The following GPRIN3 variants were observed in gnomAD, a reference collection of about 807,000 sequenced individuals.
GPRIN3 encodes GPRIN family member 3, also known as G protein-regulated inducer of neurite outgrowth 3.
Under a neutral mutation model 13.7 loss-of-function variants are expected in GPRIN3, and 12 were observed. The observed-to-expected ratio is 0.87, with a 90% CI of 0.56 to 1.42. GPRIN3 has a LOEUF of 1.42. GPRIN3 is among the 40% of genes most tolerant of loss of function. The pLI is 0.00. For missense variants in GPRIN3, 1,009 were observed against 958.7 expected, an observed-to-expected ratio of 1.05 and a Z score of -0.69; for synonymous variants, 377 against 372.7, an observed-to-expected ratio of 1.01 and a Z score of -0.13.
In GPRIN3 at chr4:89,249,580, G is replaced by A; in HGVS notation, c.531C>T (p.Val177=). 6.2e-7 allele frequency: 1 copy of A among 1,614,154 alleles called. No homozygotes were observed. The highest frequency in any genetic ancestry group is 1.6e-4 in the Middle Eastern group (1 of 6,062). ...ACACCTGATCTTTGCTGCTACTGAG[G>A]ACGCCTCCCACAGGACAACTTGGTT... ...PEKPSCPVGG[V]LSSSKDQVSC... is the part of the protein sequence containing the mutation. The change falls in exon 2 of 2, where the codon GTC becomes GTT. Residue 177 remains valine, a synonymous_variant. Transcript: ENST00000609438.
At chr4:89,272,995 A>T (rs1724000981) in intron 1 of GPRIN3, among the ~76,000 whole-genome samples, 1 of 152,190 alleles carries the variant, frequency 6.6e-6, no homozygotes, top group African/African-American at 2.4e-5. Flanking sequence ...GTTGAAAATG[A>T]GAAAGAAGGA....
At chr4:89,285,406 A>G (rs1007173644) in intron 1 of GPRIN3, among the ~76,000 whole-genome samples, 1 of 152,168 alleles carries the variant, frequency 6.6e-6, no homozygotes, top group Admixed American at 6.5e-5. Context: ...GATTTGAGTA[A>G]TAACTTTGTC....
In GPRIN3 at chr4:89,244,226, T is replaced by C. The variant is rs1306451222; in HGVS notation, c.*3554A>G. The C allele has an allele frequency of 6.6e-6, 1 of 152,202 alleles. No individual in the cohort carries two copies. The highest frequency in any genetic ancestry group is 1.5e-5 in the Non-Finnish European group (1 of 68,006). The allele number at this position is 152,202 out of a possible 1,614,324, so 9.4% of individuals were successfully genotyped here. A position where few individuals can be genotyped will look rare whatever the true frequency, so the allele number is the denominator to read the frequency against. On this transcript the variant is annotated 3_prime_UTR_variant, in exon 2 of 2. Transcript: ENST00000609438. ...TTTCTACTTTAAGACAGCAAGCTCCTATTATGAATTTGGTTCTGAAATCCA... is the reference window on the plus strand; with the variant it reads ...TTTCTACTTTAAGACAGCAAGCTCCCATTATGAATTTGGTTCTGAAATCCA...
chr4:89,297,124 A>G (rs1724759911), intron 1 of GPRIN3, among the ~76,000 whole-genome samples: 2 of 152,192 alleles, frequency 1.3e-5, no homozygotes, highest in Non-Finnish European at 2.9e-5. Flanking sequence ...TATGCTATCT[A>G]TTTCCTCATC....
At chr4:89,303,336 G>T (rs368465419) in intron 1 of GPRIN3, among the ~76,000 whole-genome samples, 20 of 152,204 alleles carry the variant, frequency 1.3e-4, no homozygotes, top group Admixed American at 3.3e-4. Flanking sequence ...AACGACTGTA[G>T]TTGCATTCTG....
chr4:89,275,500 CAT>C (rs1487593798), intron 1 of GPRIN3, among the ~76,000 whole-genome samples: 1 of 152,148 alleles, frequency 6.6e-6, no homozygotes, highest in Non-Finnish European at 1.5e-5. Context: ...AGAATCAAAA[CAT>C]ACATAAAAGA....
rs941766614 is a variant in GPRIN3, at chr4:89,290,521, G to A, written c.-124+17094C>T. ...GATTCGCTGGAAGCATTAAGTTTCAGGACAAATGCCATACTCTCCACAAAA... is the reference window on the plus strand; with the variant it reads ...GATTCGCTGGAAGCATTAAGTTTCAAGACAAATGCCATACTCTCCACAAAA... On this transcript the variant is annotated intron_variant, in intron 1 of 1. Transcript: ENST00000609438. Among the ~76,000 whole-genome samples the A allele has an allele frequency of 3.9e-5, 6 of 152,078 alleles. No individual in the cohort carries two copies. The East Asian group carries it at 9.7e-4, about 25-fold the overall frequency.
At position 89,247,956 on chromosome 4, in the gene GPRIN3, C is replaced by T. The variant is rs1225401837; in HGVS notation, c.2155G>A (p.Glu719Lys). 2 of 1,614,114 alleles carry T rather than the reference C, an allele frequency of 1.2e-6. No individual in the cohort carries two copies. Among genetic ancestry groups the T allele is most frequent in the South Asian group, 1.1e-5 (1 of 91,076 alleles). Residue 719 changes from glutamate (E) to lysine (K), a missense_variant, in exon 2 of 2, where the codon GAA becomes AAA. Transcript: ENST00000609438. ...TGAGTTTTGATTAATTTCTCATGTT[C>T]CCTGATTTGTCTTTGCAAATGGTTC... ...IQNHLQRQIR[E>K]HEKLIKTQNS...
At chr4:89,272,913 T>C (rs1214122004) in intron 1 of GPRIN3, among the ~76,000 whole-genome samples, 1 of 152,212 alleles carries the variant, frequency 6.6e-6, no homozygotes, top group African/African-American at 2.4e-5. Flanking sequence ...CAGAGCTCCA[T>C]CCAAATAGGT....
chr4:89,296,173 C>T (rs1391558024), intron 1 of GPRIN3, among the ~76,000 whole-genome samples: 1 of 152,008 alleles, frequency 6.6e-6, no homozygotes, highest in East Asian at 1.9e-4. Context: ...TCTGAAATGA[C>T]ATGAGGTGGT....
chr4:89,275,728 A>AT (rs1477578546), intron 1 of GPRIN3, among the ~76,000 whole-genome samples: 2 of 152,028 alleles, frequency 1.3e-5, no homozygotes, highest in Non-Finnish European at 2.9e-5. Flanking sequence ...CTCGGTTGTT[A>AT]TTTTTTCCCT....
chr4:89,276,039 T>C (rs1724083904), intron 1 of GPRIN3, among the ~76,000 whole-genome samples: 2 of 152,198 alleles, frequency 1.3e-5, no homozygotes, highest in South Asian at 4.1e-4. Context: ...CAGGAAATTC[T>C]TGCTATAATT....
intron 1 of GPRIN3, among the ~76,000 whole-genome samples, chr4:89,254,948 A>G (rs1723427316): frequency 6.6e-6 from 1 of 152,106 alleles, no homozygotes; most frequent in African/African-American, 2.4e-5. Flanking sequence ...CCACATGGCA[A>G]CCACTAGGTG....
intron 1 of GPRIN3, among the ~76,000 whole-genome samples, chr4:89,275,670 T>C (rs1724072416): frequency 6.6e-6 from 1 of 152,218 alleles, no homozygotes. Flanking sequence ...ACCCATTTCC[T>C]ACCAGCCCTG....
At chr4:89,266,132 A>T (rs538189080) in intron 1 of GPRIN3, among the ~76,000 whole-genome samples, 1 of 152,214 alleles carries the variant, frequency 6.6e-6, no homozygotes, top group African/African-American at 2.4e-5. Flanking sequence ...AAATATCTAT[A>T]CCCTTTGAGC....
rs566764155 is a variant in GPRIN3, at chr4:89,253,882, G to A, written c.-123-3649C>T. Reference sequence around the variant, plus strand: ...TCCCTGAGCCCAGAAGAGACTCGCCGAAGTTCTGAACCAACACTCCTTCCC... The same window carrying A: ...TCCCTGAGCCCAGAAGAGACTCGCCAAAGTTCTGAACCAACACTCCTTCCC... On this transcript the variant is annotated intron_variant, in intron 1 of 1. Coordinates refer to ENST00000609438, the MANE Select transcript of GPRIN3 (RefSeq NM_198281.3). 7.9e-5 allele frequency among the ~76,000 whole-genome samples: 12 copies of A among 152,248 alleles called. No individual in the cohort carries two copies. In the East Asian group the frequency reaches 9.7e-4, roughly 12 times the overall value.
chr4:89,254,495 C>A (rs1057392039), intron 1 of GPRIN3, among the ~76,000 whole-genome samples: 1 of 152,262 alleles, frequency 6.6e-6, no homozygotes, highest in East Asian at 1.9e-4. Context: ...TCTGTTGCTG[C>A]ATTAGTTTGC....
chr4:89,267,967 T>C (rs1723827162), intron 1 of GPRIN3, among the ~76,000 whole-genome samples: 2 of 152,152 alleles, frequency 1.3e-5, no homozygotes, highest in South Asian at 4.1e-4. Flanking sequence ...ACTTATCAGA[T>C]TGCGTGATAT....
chr4:89,300,281 T>TG (rs1463788326), intron 1 of GPRIN3, among the ~76,000 whole-genome samples: 2 of 152,074 alleles, frequency 1.3e-5, no homozygotes, highest in Non-Finnish European at 2.9e-5. Flanking sequence ...CCTACAGGTT[T>TG]GGGGTAGTAA....
Sources: allele counts gnomAD v4.1 joint callset (sites outside exome capture counted in the v4.1 genomes callset), GRCh38; gene constraint gnomAD v4.1.1; transcripts MANE v1.5; gene names NCBI Gene and HGNC (gene_info 2026-07-23, HGNC 2026-07-21).